The following PYHIN1 variants were observed in gnomAD, a reference collection of about 807,000 sequenced individuals.
The protein encoded by PYHIN1 is pyrin and HIN domain-containing protein 1.
A neutral mutation model predicts 43.7 loss-of-function variants in PYHIN1; 32 were observed. The observed-to-expected ratio is 0.73, with a 90% CI of 0.55 to 0.98. PYHIN1 has a LOEUF of 0.98. Among genes scored for constraint, PYHIN1 ranks in the 50% least tolerant of loss-of-function variants. The pLI is 0.00. For missense variants in PYHIN1, 588 were observed against 589.5 expected (o/e 1.00, Z 0.03); for synonymous variants, 205 against 203.1 (o/e 1.01, Z -0.08).
At chr1:158,986,625 G>A in the PYHIN1 span, among the ~76,000 whole-genome samples, 2 of 152,126 alleles carry the variant, frequency 1.3e-5, no homozygotes, top group South Asian at 4.1e-4. Context: ...TCTGAGAGAG[G>A]CCAGCAGATG....
rs1649532550 is a variant in PYHIN1, at chr1:158,951,577, C to T, written c.1359+6535C>T. On this transcript the variant is annotated intron_variant, in intron 7 of 8. Coordinates refer to ENST00000368140, the MANE Select transcript of PYHIN1 (RefSeq NM_152501.5). ...AATTACGTGGTCTCCACCAGACTAG[C>T]GCTTTTCCATGTTTACCCAAACCAT... Among the ~76,000 whole-genome samples the T allele has an allele frequency of 2.0e-5, 3 of 152,184 alleles. No homozygotes were observed. In the South Asian group the frequency reaches 6.2e-4, roughly 31 times the overall value.
At chr1:158,981,177 T>C (rs778940753), downstream of PYHIN1, among the ~76,000 whole-genome samples, 1 of 152,170 alleles carries the variant, frequency 6.6e-6, no homozygotes, top group Non-Finnish European at 1.5e-5. Context: ...TCTAGATTGA[T>C]TCCATGTCAT....
chr1:158,986,754 C>T, the PYHIN1 span, among the ~76,000 whole-genome samples: 35 of 152,278 alleles, frequency 2.3e-4, no homozygotes, highest in African/African-American at 3.6e-4. Context: ...AAGGGATGGG[C>T]GTCCATGTCC....
At chr1:158,951,049 G>A (rs1016805719) in intron 7 of PYHIN1, among the ~76,000 whole-genome samples, 1 of 152,138 alleles carries the variant, frequency 6.6e-6, no homozygotes, top group Non-Finnish European at 1.5e-5. Flanking sequence ...ACATCTGTTT[G>A]CCATAACTGA....
chr1:158,945,930 A>C (rs2101667000), intron 7 of PYHIN1, among the ~76,000 whole-genome samples: 1 of 152,318 alleles, frequency 6.6e-6, no homozygotes, highest in East Asian at 1.9e-4. Context: ...AGACACACTC[A>C]AACATAAAAA....
At chr1:158,954,975 TAAAC>T (rs760626564) in intron 7 of PYHIN1, among the ~76,000 whole-genome samples, 16,436 of 151,180 alleles carry the variant, frequency 0.11, 979 homozygotes, top group Non-Finnish European at 0.12. Flanking sequence ...AAACAGACTT[TAAAC>T]AAACAAAGAT....
At chr1:158,964,479 A>G (rs1650504176) in intron 7 of PYHIN1, among the ~76,000 whole-genome samples, 1 of 152,180 alleles carries the variant, frequency 6.6e-6, no homozygotes, top group Non-Finnish European at 1.5e-5. Context: ...GCTAGAGAGA[A>G]GGGGCAGGTC....
chr1:158,973,808 A>C, intron 8 of PYHIN1, 37 bp downstream of exon 8: 1 of 1,608,416 alleles, frequency 6.2e-7, no homozygotes, highest in South Asian at 1.1e-5. Context: ...TACCTCTAAA[A>C]TATAATTGTA....
chr1:158,952,244 C>A (rs1004469435), intron 7 of PYHIN1, among the ~76,000 whole-genome samples: 1 of 151,866 alleles, frequency 6.6e-6, no homozygotes, highest in Non-Finnish European at 1.5e-5. Context: ...AGCAGCTGTG[C>A]AGGCTGAGTT....
At chr1:158,962,513 C>G (rs968510023) in intron 7 of PYHIN1, among the ~76,000 whole-genome samples, 26 of 152,200 alleles carry the variant, frequency 1.7e-4, no homozygotes, top group Non-Finnish European at 1.5e-5. Flanking sequence ...GCCTAGGACT[C>G]GAACACAATT....
chr1:158,945,341 A>T (rs549276686), intron 7 of PYHIN1: 1 of 233,618 alleles, frequency 4.3e-6, no homozygotes, highest in Non-Finnish European at 8.2e-6. Flanking sequence ...AGAGTGTGTT[A>T]TGACCCACAT....
downstream of PYHIN1, among the ~76,000 whole-genome samples, chr1:158,980,213 C>T (rs1651440501): frequency 6.6e-6 from 1 of 152,128 alleles, no homozygotes; most frequent in African/African-American, 2.4e-5. Context: ...TCTTTTAATC[C>T]TGTTATCTTC....
At chr1:158,957,382 A>T (rs1306486497) in intron 7 of PYHIN1, among the ~76,000 whole-genome samples, 2 of 152,150 alleles carry the variant, frequency 1.3e-5, no homozygotes, top group Non-Finnish European at 2.9e-5. Flanking sequence ...AACCAAAACA[A>T]CATGGTACTG....
intron 7 of PYHIN1, among the ~76,000 whole-genome samples, chr1:158,949,228 G>C (rs1649387943): frequency 6.6e-6 from 1 of 152,150 alleles, no homozygotes; most frequent in Non-Finnish European, 1.5e-5. Context: ...ATGCCATGAT[G>C]GATGAGGACA....
At position 158,939,134 on chromosome 1, in the gene PYHIN1, A is replaced by C. The variant is rs1368234959; in HGVS notation, c.466A>C (p.Lys156Gln). The C allele has an allele frequency of 2.5e-6, 4 of 1,612,790 alleles. No homozygotes were observed. Among genetic ancestry groups the C allele is most frequent in the African/African-American group, 1.3e-5 (1 of 74,818 alleles). ...ETGTKRSKMSKEQTRPSCSAG... is the reference protein window; with the variant it reads ...ETGTKRSKMSQEQTRPSCSAG... Reference sequence around the variant, plus strand: ...TGGAACCAAAAGGAGTAAGATGTCCAAAGAGCAGACTCGGCCTTCCTGCTC... The same window carrying C: ...TGGAACCAAAAGGAGTAAGATGTCCCAAGAGCAGACTCGGCCTTCCTGCTC... The change falls in exon 4 of 9, where the codon AAA (lysine) becomes CAA (glutamine). Residue 156 changes from lysine to glutamine, a missense_variant. Physicochemically the swap from Lys to Gln is moderately conservative, Grantham distance 53. Coordinates refer to ENST00000368140, the MANE Select transcript of PYHIN1 (RefSeq NM_152501.5).
At chr1:158,952,300 C>G (rs572994440) in intron 7 of PYHIN1, among the ~76,000 whole-genome samples, 3 of 151,836 alleles carry the variant, frequency 2.0e-5, no homozygotes, top group African/African-American at 7.3e-5. Context: ...TCCCCGCTGC[C>G]GAGCCTTTCT....
chr1:158,936,167 A>G (rs1032947717), intron 1 of PYHIN1, among the ~76,000 whole-genome samples: 12 of 96,024 alleles, frequency 1.2e-4, no homozygotes, highest in African/African-American at 4.1e-4. Context: ...CCATTAACTC[A>G]TCATTTAGCA....
the PYHIN1 span, among the ~76,000 whole-genome samples, chr1:158,987,437 T>A: frequency 2.6e-5 from 4 of 152,332 alleles, no homozygotes; most frequent in African/African-American, 9.6e-5. Context: ...TATAGTTCCT[T>A]ATAAGTCCCT....
the PYHIN1 span, among the ~76,000 whole-genome samples, chr1:158,987,233 A>C: frequency 1.3e-5 from 2 of 152,342 alleles, no homozygotes; most frequent in African/African-American, 4.8e-5. Context: ...TTGTTATTAC[A>C]TAATTTTTTA....
Sources: gnomAD v4.1 joint callset for allele counts (sites outside exome capture counted in the v4.1 genomes callset) on GRCh38, gnomAD v4.1.1 for gene constraint, MANE v1.5 for transcripts, NCBI Gene and HGNC (gene_info 2026-07-23, HGNC 2026-07-21) for gene names.